SPEF1: variants seen among roughly 807,000 people sequenced by gnomAD.
The protein encoded by SPEF1 is sperm flagella and cilia-associated protein 1.
SPEF1 carries 30 observed loss-of-function variants against 31.8 expected under a neutral mutation model. The observed-to-expected ratio is 0.94, with a 90% CI of 0.70 to 1.28. The LOEUF is 1.28. Among genes scored for constraint, SPEF1 ranks in the 50% most tolerant of loss-of-function variants. The probability of loss-of-function intolerance (pLI) is 0.00; values close to 1 mark genes in which losing one functional copy is unlikely to be tolerated. For missense variants in SPEF1, 298 were observed against 309.6 expected, an observed-to-expected ratio of 0.96 and a Z score of 0.28; for synonymous variants, 126 against 130.1, an observed-to-expected ratio of 0.97 and a Z score of 0.21.
Position 3,777,593 on chromosome 20 carries a change from C to T in SPEF1, c.*619G>A, listed in dbSNP as rs1276706475. ...TACCCCGTGCGCGAGGAGGGAGGGG[C>T]GACTGCTACGGGCACATCGTCGATG... On this transcript the variant is annotated 3_prime_UTR_variant, in exon 7 of 7. Coordinates refer to ENST00000379756, the MANE Select transcript of SPEF1 (RefSeq NM_015417.5). This position sits in a 1 kb window ranked among gnomAD's most constrained non-coding sequence, Gnocchi z 4.1. The T allele has an allele frequency of 6.6e-6, 1 of 152,324 alleles. No individual in the cohort carries two copies. The highest frequency in any genetic ancestry group is 1.5e-5 in the Non-Finnish European group (1 of 68,128). 9.4% of individuals were successfully genotyped at this position (152,324 alleles called of 1,614,324 possible). A position where few individuals can be genotyped will look rare whatever the true frequency, so the allele number is the denominator to read the frequency against.
Position 3,778,309 on chromosome 20 carries a change from A to T in SPEF1, c.614T>A (p.Met205Lys). Residue 205 changes from methionine to lysine, a missense_variant, in exon 7 of 7, where the codon ATG becomes AAG. Transcript: ENST00000379756. ...ASQETVQVLQ[M>K]KVRRLEHLLQ... Reference sequence around the variant, plus strand: ...CAGGTGCTCCAGGCGCCTTACCTTCATCTGCAGGACCTAAGCCGCACCGCG... The same window carrying T: ...CAGGTGCTCCAGGCGCCTTACCTTCTTCTGCAGGACCTAAGCCGCACCGCG... 2.5e-6 allele frequency: 4 copies of T among 1,612,650 alleles called. No homozygotes were observed. The highest frequency in any genetic ancestry group is 3.4e-6 in the Non-Finnish European group (4 of 1,179,036).
intron 1 of SPEF1, 108 bp from the exon 2 acceptor site, chr20:3,779,883 A>G (rs932875876): frequency 2.2e-5 from 12 of 540,028 alleles, no homozygotes; most frequent in Non-Finnish European, 3.8e-5. Flanking sequence ...GTGGAACCCA[A>G]TGGAGGGGTG....
chr20:3,778,681 C>T (rs1209652089), intron 5 of SPEF1, 65 bp downstream of exon 5: 3 of 1,596,266 alleles, frequency 1.9e-6, no homozygotes, highest in Non-Finnish European at 2.6e-6. Flanking sequence ...GTACCGTGCC[C>T]CCCAACCCCA....
chr20:3,780,416 GCACA>G (rs55996387), intron 1 of SPEF1, among the ~76,000 whole-genome samples: 29,964 of 137,572 alleles, frequency 0.22, 3,170 homozygotes, highest in East Asian at 0.4. Flanking sequence ...GATGCATGAT[GCACA>G]CACACACACA....
intron 2 of SPEF1, 52 bp downstream of exon 2, chr20:3,779,612 C>T: frequency 7.3e-7 from 1 of 1,368,564 alleles, no homozygotes; most frequent in Non-Finnish European, 1.0e-6. Context: ...CAGTCTCAGC[C>T]TGGGCAACCA....
Position 3,778,481 on chromosome 20 carries a change from G to T in SPEF1, c.543C>A (p.Ser181Arg), listed in dbSNP as rs771112624. ...AYNRALQGDP[S>R]FVLQIAEKEQ... is the part of the protein sequence containing the mutation. ...CCTTTTCAGCGATCTGGAGGACGAA[G>T]CTGGGGTCGCCCTGCAACGCCCGGT... is the stretch of plus-strand genomic sequence containing the variant. The change falls in exon 6 of 7, where the codon AGC becomes AGA. Residue 181 changes from serine to arginine, a missense_variant. Transcript: ENST00000379756. The T allele has an allele frequency of 1.2e-6, 2 of 1,613,356 alleles. No homozygotes were observed. Among genetic ancestry groups the T allele is most frequent in the East Asian group, 4.5e-5 (2 of 44,866 alleles).
chr20:3,779,180 T>C lies in SPEF1; in HGVS notation c.378+16A>G, dbSNP rs753933767. 1.9e-6 allele frequency: 3 copies of C among 1,557,598 alleles called. No homozygotes were observed. Among genetic ancestry groups the C allele is most frequent in the Non-Finnish European group, 2.6e-6 (3 of 1,147,922 alleles). On this transcript the variant is annotated intron_variant, in intron 3 of 6. Coordinates refer to ENST00000379756, the MANE Select transcript of SPEF1 (RefSeq NM_015417.5). ...CAGCCCCCAGAGCAGTGGGAGAAGC[T>C]GGAGCGGGGTGGCACCTGTAAGGAG...
Position 3,777,912 on chromosome 20 carries a change from T to G in SPEF1, c.*300A>C. The G allele has an allele frequency of 6.4e-6, 2 of 313,584 alleles. No homozygotes were observed. The highest frequency in any genetic ancestry group is 1.2e-5 in the Non-Finnish European group (2 of 169,282). 19.4% of individuals were successfully genotyped at this position (313,584 alleles called of 1,614,324 possible). ...CGGGCCCAAGGTGTTGGACACTGCT[T>G]TGGGGGACAGGCTAGGTCTCTGCAC... On this transcript the variant is annotated 3_prime_UTR_variant, in exon 7 of 7. Coordinates refer to ENST00000379756, the MANE Select transcript of SPEF1 (RefSeq NM_015417.5). This position sits in a 1 kb window ranked among gnomAD's most constrained non-coding sequence, Gnocchi z 4.1.
chr20:3,781,134 C>A, intron 1 of SPEF1, 45 bp downstream of exon 1: 1 of 1,605,110 alleles, frequency 6.2e-7, no homozygotes, highest in South Asian at 1.1e-5. Context: ...ACCCGTTACA[C>A]ACGAACATAC....
intron 4 of SPEF1, 24 bp from the exon 5 acceptor site, chr20:3,778,830 T>C (rs1331207985): frequency 1.9e-6 from 3 of 1,613,688 alleles, no homozygotes; most frequent in Non-Finnish European, 2.5e-6. Flanking sequence ...AGTGGAGGAA[T>C]GACTGTGCTG....
In SPEF1 at chr20:3,781,214, G is replaced by A. The variant is rs1410766757; in HGVS notation, c.74C>T (p.Pro25Leu). ...AAAGTCCCGGGAGAGGTTTCGCTTGGGCCGGGACAGAGGGATGTTGTCTAC... is the reference window on the plus strand; with the variant it reads ...AAAGTCCCGGGAGAGGTTTCGCTTGAGCCGGGACAGAGGGATGTTGTCTAC... The part of the protein sequence containing the change: ...LWVDNIPLSR[P>L]KRNLSRDFSD... The change falls in exon 1 of 7, where the codon CCC becomes CTC. Residue 25 changes from proline to leucine, a missense_variant. Transcript: ENST00000379756. 6.2e-7 allele frequency: 1 copy of A among 1,614,168 alleles called. No individual in the cohort carries two copies. The highest frequency in any genetic ancestry group is 1.3e-5 in the African/African-American group (1 of 75,046).
intron 1 of SPEF1, among the ~76,000 whole-genome samples, chr20:3,780,533 T>C (rs999468501): frequency 4.6e-5 from 7 of 151,636 alleles, no homozygotes; most frequent in Non-Finnish European, 8.8e-5. Flanking sequence ...CATAGATACA[T>C]AGGGCAGAAT....
rs2088758946 is a variant in SPEF1 at position 3,778,456 on chromosome 20, C to G, written c.568G>C (p.Glu190Gln). The change falls in exon 6 of 7, where the codon GAG becomes CAG. Residue 190 changes from glutamate to glutamine, a missense_variant. Coordinates refer to ENST00000379756, the MANE Select transcript of SPEF1 (RefSeq NM_015417.5). ...TCTTGAGAGGCCAACAGCTCCTGCT[C>G]CTTTTCAGCGATCTGGAGGACGAAG... ...PSFVLQIAEK[E>Q]QELLASQETV... 1.9e-6 allele frequency: 3 copies of G among 1,613,892 alleles called. No homozygotes were observed. The highest frequency in any genetic ancestry group is 8.5e-7 in the Non-Finnish European group (1 of 1,179,990).
chr20:3,778,688 C>T (rs903397993), intron 5 of SPEF1, 58 bp downstream of exon 5: 6 of 1,600,680 alleles, frequency 3.7e-6, no homozygotes, highest in Non-Finnish European at 3.4e-6. Context: ...GCCCCCCAAC[C>T]CCAGCTGTGT....
intron 1 of SPEF1, 76 bp from the exon 2 acceptor site, chr20:3,779,851 G>A: frequency 1.6e-5 from 7 of 433,198 alleles, no homozygotes; most frequent in South Asian, 5.4e-5. Context: ...GTGGGGGTGG[G>A]AGAATCAGGC....
In SPEF1 at chr20:3,777,694, C is replaced by G. The variant is rs2088752828; in HGVS notation, c.*518G>C. ...TGCGGTCTCCGTCGCCGAGGTGGGT[C>G]CCAGGTAAGCTCCCAGGAGGGGCAG... On this transcript the variant is annotated 3_prime_UTR_variant, in exon 7 of 7. Transcript: ENST00000379756. This position sits in a 1 kb window ranked among gnomAD's most constrained non-coding sequence, Gnocchi z 4.1. 1 of 152,638 alleles carries G rather than the reference C, an allele frequency of 6.6e-6. No homozygotes were observed. Among genetic ancestry groups the G allele is most frequent in the Non-Finnish European group, 1.5e-5 (1 of 68,340 alleles). The allele number at this position is 152,638 out of a possible 1,614,324, so 9.5% of individuals were successfully genotyped here.
Position 3,781,431 on chromosome 20 carries a change from G to C in SPEF1, c.-144C>G, listed in dbSNP as rs2088779214. ...CCAGAGACTCACGTCCCAGCTGGGA[G>C]CGGCCATATTGTTTTCTGAAACCAT... is the stretch of plus-strand genomic sequence containing the variant. On this transcript the variant is annotated 5_prime_UTR_variant, in exon 1 of 7. Transcript: ENST00000379756. The C allele has an allele frequency of 1.2e-5, 16 of 1,292,662 alleles. No individual in the cohort carries two copies. The highest frequency in any genetic ancestry group is 1.7e-5 in the Non-Finnish European group (16 of 964,866). 80.1% of individuals were successfully genotyped at this position (1,292,662 alleles called of 1,614,324 possible).
rs1389149954 is a variant in SPEF1 at position 3,781,418 on chromosome 20, G to C, written c.-131C>G. The C allele has an allele frequency of 7.4e-7, 1 of 1,356,952 alleles. No homozygotes were observed. The highest frequency in any genetic ancestry group is 1.5e-5 in the African/African-American group (1 of 68,356). The allele number at this position is 1,356,952 out of a possible 1,614,324, so 84.1% of individuals were successfully genotyped here. A position where few individuals can be genotyped will look rare whatever the true frequency, so the allele number is the denominator to read the frequency against. Reference sequence around the variant, plus strand: ...CTGCCTGCCTAATCCAGAGACTCACGTCCCAGCTGGGAGCGGCCATATTGT... The same window carrying C: ...CTGCCTGCCTAATCCAGAGACTCACCTCCCAGCTGGGAGCGGCCATATTGT... On this transcript the variant is annotated 5_prime_UTR_variant, in exon 1 of 7. Coordinates refer to ENST00000379756, the MANE Select transcript of SPEF1 (RefSeq NM_015417.5).
chr20:3,780,555 T>C (rs1417608352), intron 1 of SPEF1, among the ~76,000 whole-genome samples: 3 of 151,482 alleles, frequency 2.0e-5, no homozygotes, highest in Non-Finnish European at 2.9e-5. Flanking sequence ...TGTAGACACA[T>C]AGAACAAACA....
Sources: allele counts gnomAD v4.1 joint callset (sites outside exome capture counted in the v4.1 genomes callset), GRCh38; gene constraint gnomAD v4.1.1; non-coding constraint Gnocchi (gnomAD v3.1); transcripts MANE v1.5; gene names NCBI Gene and HGNC (gene_info 2026-07-23, HGNC 2026-07-21).